Variants in MDFIC2 observed in about 807,000 individuals in gnomAD.
The protein encoded by MDFIC2 is myoD family inhibitor domain-containing protein 2.
chr3:70,215,944 C>A (rs1701405471), intron 2 of MDFIC2, among the ~76,000 whole-genome samples: 1 of 152,004 alleles, frequency 6.6e-6, no homozygotes, highest in Non-Finnish European at 1.5e-5. Flanking sequence ...AAATTTCTGT[C>A]TTTTGTGGTA....
intron 2 of MDFIC2, among the ~76,000 whole-genome samples, chr3:70,244,122 T>C (rs1701683773): frequency 6.6e-6 from 1 of 152,222 alleles, no homozygotes; most frequent in Non-Finnish European, 1.5e-5. Flanking sequence ...TGGTTTTCTT[T>C]GGCTCAAATG....
chr3:70,208,647 A>G (rs1701313080), intron 2 of MDFIC2, among the ~76,000 whole-genome samples: 1 of 152,026 alleles, frequency 6.6e-6, no homozygotes, highest in Non-Finnish European at 1.5e-5. Flanking sequence ...GATCTTCTGC[A>G]TTTGAGACAA....
chr3:70,267,528 G>C (rs1241561456), intron 2 of MDFIC2, among the ~76,000 whole-genome samples: 6 of 147,500 alleles, frequency 4.1e-5, no homozygotes, highest in African/African-American at 1.5e-4. Flanking sequence ...TCAGCTTCCC[G>C]AGTAGCTGGG....
chr3:70,289,395 T>A (rs1702206041), intron 2 of MDFIC2, among the ~76,000 whole-genome samples: 1 of 150,170 alleles, frequency 6.7e-6, no homozygotes. Context: ...GCCCCCACTC[T>A]CTTCTGGCTT....
intron 2 of MDFIC2, among the ~76,000 whole-genome samples, chr3:70,211,069 T>G (rs1403409064): frequency 6.6e-6 from 1 of 152,152 alleles, no homozygotes; most frequent in African/African-American, 2.4e-5. Context: ...TGCATCCATG[T>G]TTTCTCTCAT....
intron 2 of MDFIC2, among the ~76,000 whole-genome samples, chr3:70,207,066 A>T (rs1701298564): frequency 6.6e-6 from 1 of 150,448 alleles, no homozygotes; most frequent in Non-Finnish European, 1.5e-5. Flanking sequence ...AAGTAGGGAG[A>T]ATCAAGCAAT....
chr3:70,227,696 T>A, intron 2 of MDFIC2, among the ~76,000 whole-genome samples: 1 of 152,218 alleles, frequency 6.6e-6, no homozygotes, highest in East Asian at 1.9e-4. Flanking sequence ...AGATGCCAGA[T>A]AGTGTTCTGA....
intron 3 of MDFIC2, chr3:70,204,800 T>C (rs1701275044): frequency 6.6e-6 from 1 of 152,076 alleles, no homozygotes; most frequent in Non-Finnish European, 1.5e-5. Flanking sequence ...CCCTGATAGG[T>C]CAGATCAGAG....
intron 3 of MDFIC2, among the ~76,000 whole-genome samples, chr3:70,199,339 G>T (rs1473191396): frequency 6.6e-6 from 1 of 151,988 alleles, no homozygotes; most frequent in Admixed American, 6.6e-5. Context: ...GACTCTGGAG[G>T]TCTCCTCTTC....
At chr3:70,217,847 T>C (rs907690691) in intron 2 of MDFIC2, among the ~76,000 whole-genome samples, 1 of 152,134 alleles carries the variant, frequency 6.6e-6, no homozygotes, top group Admixed American at 6.6e-5. Flanking sequence ...GGTGACATAC[T>C]GTTGGATGGA....
At chr3:70,287,895 A>G (rs1258670091) in intron 2 of MDFIC2, among the ~76,000 whole-genome samples, 4 of 151,202 alleles carry the variant, frequency 2.6e-5, no homozygotes, top group South Asian at 2.1e-4. Flanking sequence ...CTGTGGGATC[A>G]GTGGTGACAT....
intron 2 of MDFIC2, among the ~76,000 whole-genome samples, chr3:70,268,409 A>G (rs1413892506): frequency 1.4e-5 from 2 of 138,104 alleles, no homozygotes. Flanking sequence ...CGGGAGGCGG[A>G]GGTGGCAGTG....
intron 2 of MDFIC2, among the ~76,000 whole-genome samples, chr3:70,284,675 T>G (rs1702123423): frequency 6.6e-6 from 1 of 152,142 alleles, no homozygotes; most frequent in South Asian, 2.1e-4. Flanking sequence ...TGTTCTCACT[T>G]ATAAGTGGGA....
intron 2 of MDFIC2, among the ~76,000 whole-genome samples, chr3:70,268,050 C>A (rs954951148): frequency 6.6e-6 from 1 of 150,422 alleles, no homozygotes; most frequent in African/African-American, 2.5e-5. Context: ...TCCTCCTCCT[C>A]CTTCTTCTCC....
intron 2 of MDFIC2, among the ~76,000 whole-genome samples, chr3:70,304,524 A>G (rs933727403): frequency 3.9e-5 from 6 of 151,972 alleles, no homozygotes; most frequent in Non-Finnish European, 8.8e-5. Context: ...CATCATTACC[A>G]TTTCACAATT....
chr3:70,268,168 A>C (rs1304207936), intron 2 of MDFIC2, among the ~76,000 whole-genome samples: 1 of 149,546 alleles, frequency 6.7e-6, no homozygotes, highest in Non-Finnish European at 1.5e-5. Flanking sequence ...ATGCACAGCC[A>C]CCTTATTATC....
intron 2 of MDFIC2, among the ~76,000 whole-genome samples, chr3:70,217,513 A>T (rs1008611500): frequency 2.0e-5 from 3 of 152,162 alleles, no homozygotes; most frequent in African/African-American, 4.8e-5. Flanking sequence ...TGAGCTTTCT[A>T]GGTTTTACCA....
At chr3:70,258,263 C>T (rs987172866) in intron 2 of MDFIC2, among the ~76,000 whole-genome samples, 15 of 152,074 alleles carry the variant, frequency 9.9e-5, no homozygotes, top group African/African-American at 3.6e-4. Flanking sequence ...ACACCAAAAG[C>T]ATGAGCCATA....
chr3:70,271,514 T>C (rs1016002731), intron 2 of MDFIC2, among the ~76,000 whole-genome samples: 1 of 152,212 alleles, frequency 6.6e-6, no homozygotes, highest in Non-Finnish European at 1.5e-5. Flanking sequence ...TGCTTAACTA[T>C]TTAACAAACA....
Sources: gnomAD v4.1 joint callset for allele counts (sites outside exome capture counted in the v4.1 genomes callset) on GRCh38, gnomAD v4.1.1 for gene constraint, MANE v1.5 for transcripts, NCBI Gene and HGNC (gene_info 2026-07-23, HGNC 2026-07-21) for gene names.